The following MCPH1 variants were observed in gnomAD, a reference collection of about 807,000 sequenced individuals.
MCPH1 encodes microcephalin.
Under a neutral mutation model 84.5 loss-of-function variants are expected in MCPH1, and 104 were observed. The observed-to-expected ratio is 1.23, with a 90% confidence interval of 1.05 to 1.45. MCPH1 has a LOEUF of 1.45. MCPH1 is among the 40% of genes most tolerant of loss of function. The pLI is 0.00. For missense variants in MCPH1, 1,498 were observed against 1,005.7 expected, an observed-to-expected ratio of 1.49 and a Z score of -6.62; for synonymous variants, 514 against 366.8, an observed-to-expected ratio of 1.40 and a Z score of -4.58.
chr8:6,578,438 C>G (rs1356428619), intron 12 of MCPH1, among the ~76,000 whole-genome samples: 1 of 152,158 alleles, frequency 6.6e-6, no homozygotes, highest in Non-Finnish European at 1.5e-5. Context: ...AACTAATATC[C>G]ATGTTTTCTA....
intron 7 of MCPH1, among the ~76,000 whole-genome samples, chr8:6,443,206 G>A (rs1027298566): frequency 2.0e-5 from 3 of 152,208 alleles, no homozygotes; most frequent in Admixed American, 6.5e-5. Flanking sequence ...TGTGGTTTGT[G>A]AATGGCAAAC....
chr8:6,444,340 A>G (rs530478882), intron 7 of MCPH1, 53 bp from the exon 8 acceptor site: 1 of 1,607,614 alleles, frequency 6.2e-7, no homozygotes, highest in Non-Finnish European at 8.5e-7. Context: ...AAAGTTGAAT[A>G]TAGAATAATT....
chr8:6,466,897 G>A (rs1807048385), intron 9 of MCPH1, among the ~76,000 whole-genome samples: 1 of 152,108 alleles, frequency 6.6e-6, no homozygotes, highest in Admixed American at 6.5e-5. Flanking sequence ...TTATTTCTTT[G>A]CCTTTCCTTA....
intron 12 of MCPH1, chr8:6,509,144 C>G (rs1167707508): frequency 1.3e-6 from 2 of 1,528,326 alleles, no homozygotes; most frequent in East Asian, 4.5e-5. Context: ...ATGAAGAATT[C>G]CATTCTACAG....
chr8:6,496,340 A>T (rs1811222594), intron 11 of MCPH1, among the ~76,000 whole-genome samples: 1 of 152,158 alleles, frequency 6.6e-6, no homozygotes, highest in Admixed American at 6.5e-5. Flanking sequence ...TGGTAATTAA[A>T]GCAATGGGAA....
intron 12 of MCPH1, among the ~76,000 whole-genome samples, chr8:6,575,834 A>C (rs1352451540): frequency 6.6e-6 from 1 of 152,132 alleles, no homozygotes. Context: ...GCTTCTACAA[A>C]ACAGGGAACA....
At chr8:6,534,982 C>A (rs1820229310) in intron 12 of MCPH1, among the ~76,000 whole-genome samples, 1 of 152,158 alleles carries the variant, frequency 6.6e-6, no homozygotes, top group African/African-American at 2.4e-5. Flanking sequence ...CTTAGTTACT[C>A]CTCACAGCAC....
chr8:6,556,103 C>G (rs935612172), intron 12 of MCPH1, among the ~76,000 whole-genome samples: 6 of 152,144 alleles, frequency 3.9e-5, no homozygotes, highest in Admixed American at 6.5e-5. Context: ...GCTGCCAAGA[C>G]TAACCAAGGG....
chr8:6,494,025 C>G (rs1398853855), intron 11 of MCPH1: 1 of 151,980 alleles, frequency 6.6e-6, no homozygotes, highest in Non-Finnish European at 1.5e-5. Context: ...ACTGCAACAT[C>G]TGTCTCCCAG....
intron 4 of MCPH1, among the ~76,000 whole-genome samples, chr8:6,434,781 C>T (rs1157852537): frequency 6.6e-6 from 1 of 152,142 alleles, no homozygotes; most frequent in Non-Finnish European, 1.5e-5. Flanking sequence ...CCCATGTAAG[C>T]AAATTTGGGC....
At chr8:6,563,053 A>C in intron 12 of MCPH1, 1 of 1,122,644 alleles carries the variant, frequency 8.9e-7, no homozygotes, top group Non-Finnish European at 1.2e-6. Context: ...GGGTCCGTCA[A>C]TGAAAGTCTT....
At chr8:6,605,356 G>C (rs574732830) in intron 12 of MCPH1, among the ~76,000 whole-genome samples, 1 of 152,298 alleles carries the variant, frequency 6.6e-6, no homozygotes, top group South Asian at 2.1e-4. Context: ...TCACCCAGGG[G>C]TGAGTTTTGT....
At chr8:6,421,016 C>T (rs938724440) in intron 3 of MCPH1, among the ~76,000 whole-genome samples, 1 of 152,148 alleles carries the variant, frequency 6.6e-6, no homozygotes, top group African/African-American at 2.4e-5. Context: ...TAACCTTGAT[C>T]CTGGGATTTG....
intron 9 of MCPH1, among the ~76,000 whole-genome samples, chr8:6,461,482 A>G (rs1232893544): frequency 1.3e-5 from 2 of 150,010 alleles, no homozygotes; most frequent in African/African-American, 5.0e-5. Flanking sequence ...ACCTGCCACC[A>G]TGCCCAGCTA....
At chr8:6,440,476 C>T (rs1433139654) in intron 6 of MCPH1, among the ~76,000 whole-genome samples, 2 of 152,198 alleles carry the variant, frequency 1.3e-5, no homozygotes, top group African/African-American at 2.4e-5. Context: ...ACTTCTGCCT[C>T]ACCCTCTCAA....
intron 9 of MCPH1, among the ~76,000 whole-genome samples, chr8:6,459,855 A>G (rs1200878991): frequency 1.3e-5 from 2 of 152,234 alleles, no homozygotes; most frequent in Non-Finnish European, 2.9e-5. Context: ...GGTGCCAGGT[A>G]GAAGGTACAA....
chr8:6,481,079 C>T (rs1450992987), intron 11 of MCPH1, among the ~76,000 whole-genome samples: 2 of 152,172 alleles, frequency 1.3e-5, no homozygotes, highest in Admixed American at 6.5e-5. Context: ...TCTGGGGCAA[C>T]AGGAGGACGG....
chr8:6,609,092 G>A (rs1362108545), intron 12 of MCPH1, among the ~76,000 whole-genome samples: 2 of 152,096 alleles, frequency 1.3e-5, no homozygotes, highest in African/African-American at 2.4e-5. Context: ...GTTATTATAA[G>A]GTTTACAAAT....
chr8:6,551,659 T>C (rs1490813293), intron 12 of MCPH1, among the ~76,000 whole-genome samples: 1 of 152,198 alleles, frequency 6.6e-6, no homozygotes, highest in Non-Finnish European at 1.5e-5. Flanking sequence ...GGAATTCCTG[T>C]CATTAACAAT....
Sources: allele counts gnomAD v4.1 joint callset (sites outside exome capture counted in the v4.1 genomes callset), GRCh38; gene constraint gnomAD v4.1.1; transcripts MANE v1.5; gene names NCBI Gene and HGNC (gene_info 2026-07-23, HGNC 2026-07-21).